Variants in CAMKMT observed in about 807,000 individuals in gnomAD.
CAMKMT encodes CaM KMT.
CAMKMT carries 53 observed loss-of-function variants against 48.0 expected under a neutral mutation model. The observed-to-expected ratio is 1.10, with a 90% CI of 0.89 to 1.39. CAMKMT has a LOEUF of 1.39. Ranked by LOEUF, CAMKMT falls within the 40% of genes most tolerant of loss-of-function variation. The pLI is 0.00. For missense variants in CAMKMT, 428 were observed against 402.7 expected, an observed-to-expected ratio of 1.06 and a Z score of -0.54; for synonymous variants, 165 against 152.3, an observed-to-expected ratio of 1.08 and a Z score of -0.61.
intron 3 of CAMKMT, among the ~76,000 whole-genome samples, chr2:44,594,800 A>G (rs1157023894): frequency 3.3e-5 from 5 of 152,220 alleles, no homozygotes; most frequent in Non-Finnish European, 5.9e-5. Flanking sequence ...ACAAAATCCA[A>G]AATTGACAAG....
chr2:44,614,250 A>G (rs1240773047), intron 3 of CAMKMT, among the ~76,000 whole-genome samples: 1 of 152,178 alleles, frequency 6.6e-6, no homozygotes, highest in Non-Finnish European at 1.5e-5. Flanking sequence ...GAAGAGAGAG[A>G]TGGGTTTATG....
rs913746702 is a variant in CAMKMT at position 44,488,226 on chromosome 2, C to T, written c.376+97921C>T. Among the ~76,000 whole-genome samples, 26 of 152,134 alleles carry T rather than the reference C, an allele frequency of 1.7e-4. 1 individual carries two copies. Among genetic ancestry groups the T allele is most frequent in the Admixed American group, 1.2e-3 (19 of 15,270 alleles). ...AATATTTGAGTGTGTTGGCCGGGCG[C>T]GGTGGCTCACACCTGTAATCCCAGC... On this transcript the variant is annotated intron_variant, in intron 3 of 10. Coordinates refer to ENST00000378494, the MANE Select transcript of CAMKMT (RefSeq NM_024766.5).
At chr2:44,642,669 G>C (rs1046071349) in intron 3 of CAMKMT, among the ~76,000 whole-genome samples, 21 of 152,064 alleles carry the variant, frequency 1.4e-4, no homozygotes, top group Non-Finnish European at 5.9e-5. Context: ...GCCCTGGCTG[G>C]GGTGTTGGCA....
In CAMKMT at chr2:44,613,344, C is replaced by T. The variant is rs1671696508; in HGVS notation, c.377-90939C>T. 2.6e-5 allele frequency among the ~76,000 whole-genome samples: 4 copies of T among 152,238 alleles called. No individual in the cohort carries two copies. In the South Asian group the frequency reaches 8.3e-4, roughly 32 times the overall value. ...ACCCCACCTCTCAGGCTCTGGAAGT[C>T]CTAGATCCTCCTCCAGAAACCTCCA... On this transcript the variant is annotated intron_variant, in intron 3 of 10. Coordinates refer to ENST00000378494, the MANE Select transcript of CAMKMT (RefSeq NM_024766.5).
chr2:44,444,988 A>G (rs765494821), intron 3 of CAMKMT, among the ~76,000 whole-genome samples: 5 of 152,192 alleles, frequency 3.3e-5, no homozygotes, highest in Non-Finnish European at 7.3e-5. Flanking sequence ...TGGGAAAGAA[A>G]ACTGGATCTA....
intron 3 of CAMKMT, among the ~76,000 whole-genome samples, chr2:44,520,731 GTAATCCCCA>G (rs1271316092): frequency 1.3e-5 from 2 of 152,166 alleles, no homozygotes; most frequent in African/African-American, 4.8e-5. Flanking sequence ...ACCTTGAATT[GTAATCCCCA>G]TAATCCCCAA....
At chr2:44,407,266 G>C (rs992563645) in intron 3 of CAMKMT, among the ~76,000 whole-genome samples, 7 of 152,112 alleles carry the variant, frequency 4.6e-5, no homozygotes, top group African/African-American at 1.7e-4. Context: ...ACCCCTGTAT[G>C]ACAGATCTCT....
chr2:44,398,562 CTTTTCT>C (rs1314930407), intron 3 of CAMKMT, among the ~76,000 whole-genome samples: 14 of 111,556 alleles, frequency 1.3e-4, no homozygotes, highest in East Asian at 2.2e-4. Context: ...TTTTTCTTTT[CTTTTCT>C]TTTTTTTTTT....
At chr2:44,405,897 T>C (rs779744826) in intron 3 of CAMKMT, among the ~76,000 whole-genome samples, 1 of 152,194 alleles carries the variant, frequency 6.6e-6, no homozygotes, top group Non-Finnish European at 1.5e-5. Flanking sequence ...GAAAGGAGAC[T>C]TTGGCCTTTT....
chr2:44,712,113 C>T (rs1467854719), intron 6 of CAMKMT, among the ~76,000 whole-genome samples: 1 of 151,770 alleles, frequency 6.6e-6, no homozygotes, highest in Non-Finnish European at 1.5e-5. Flanking sequence ...GTAATAAGCA[C>T]ATTTAAGAAT....
intron 3 of CAMKMT, among the ~76,000 whole-genome samples, chr2:44,571,066 G>T (rs945831203): frequency 2.0e-5 from 3 of 152,138 alleles, no homozygotes; most frequent in African/African-American, 7.2e-5. Flanking sequence ...GCATGGCAAG[G>T]TTAAAAGAAA....
At chr2:44,753,957 G>A in intron 8 of CAMKMT, 98 bp from the exon 9 acceptor site, 1 of 800,228 alleles carries the variant, frequency 1.2e-6, no homozygotes, top group Non-Finnish European at 2.1e-6. Flanking sequence ...TTTTAGCGTT[G>A]GGTAAACATG....
At chr2:44,534,259 C>G (rs527875995) in intron 3 of CAMKMT, among the ~76,000 whole-genome samples, 1 of 152,160 alleles carries the variant, frequency 6.6e-6, no homozygotes, top group South Asian at 2.1e-4. Context: ...GATAGACTTC[C>G]TATACAATAA....
intron 2 of CAMKMT, among the ~76,000 whole-genome samples, chr2:44,383,248 T>A (rs569441766): frequency 1.6e-4 from 24 of 152,174 alleles, no homozygotes; most frequent in African/African-American, 5.3e-4. Context: ...CACTGCATCC[T>A]TCACCTCCCA....
chr2:44,677,800 G>A (rs1216013935), intron 3 of CAMKMT, among the ~76,000 whole-genome samples: 1 of 152,106 alleles, frequency 6.6e-6, no homozygotes, highest in East Asian at 1.9e-4. Flanking sequence ...CGCACCTGGT[G>A]TACTCCATTC....
chr2:44,477,262 G>A (rs1332084940), intron 3 of CAMKMT, among the ~76,000 whole-genome samples: 1 of 152,150 alleles, frequency 6.6e-6, no homozygotes, highest in Non-Finnish European at 1.5e-5. Context: ...AACCCATGAT[G>A]TTATCAGAAA....
At chr2:44,719,319 C>T (rs1373853051) in intron 7 of CAMKMT, among the ~76,000 whole-genome samples, 3 of 152,184 alleles carry the variant, frequency 2.0e-5, no homozygotes, top group Non-Finnish European at 2.9e-5. Flanking sequence ...CACAGTTGAA[C>T]ATGGCATAGT....
At chr2:44,486,040 C>G (rs1669200183) in intron 3 of CAMKMT, among the ~76,000 whole-genome samples, 1 of 152,200 alleles carries the variant, frequency 6.6e-6, no homozygotes, top group Admixed American at 6.5e-5. Context: ...TCTCAGCCCA[C>G]TGCAACCTCT....
At chr2:44,391,714 A>G (rs1681358801) in intron 3 of CAMKMT, among the ~76,000 whole-genome samples, 1 of 152,208 alleles carries the variant, frequency 6.6e-6, no homozygotes, top group Non-Finnish European at 1.5e-5. Context: ...ATGTAAAATA[A>G]AAATAATTTC....
Sources: allele counts gnomAD v4.1 joint callset (sites outside exome capture counted in the v4.1 genomes callset), GRCh38; gene constraint gnomAD v4.1.1; transcripts MANE v1.5; gene names NCBI Gene and HGNC (gene_info 2026-07-23, HGNC 2026-07-21).